The following EDARADD variants were observed in gnomAD, a reference collection of about 807,000 sequenced individuals.
EDARADD encodes ectodysplasin-A receptor-associated adapter protein.
EDARADD carries 20 observed loss-of-function variants against 25.6 expected under a neutral mutation model. That is an observed-to-expected ratio of 0.78 (90% CI 0.55 to 1.14). The LOEUF (loss-of-function observed/expected upper bound fraction) is 1.14. Among genes scored for constraint, EDARADD ranks in the 50% most tolerant of loss-of-function variants. The pLI is 0.00. For missense variants in EDARADD, 225 were observed against 270.1 expected, an observed-to-expected ratio of 0.83 and a Z score of 1.17; for synonymous variants, 86 against 94.4, an observed-to-expected ratio of 0.91 and a Z score of 0.52.
In EDARADD at chr1:236,466,750, A is replaced by G. The variant is rs113322927; in HGVS notation, c.220-1481A>G. On this transcript the variant is annotated intron_variant, in intron 4 of 5. Coordinates refer to ENST00000334232, the MANE Select transcript of EDARADD (RefSeq NM_145861.4). Reference sequence around the variant, plus strand: ...TGAGGAGAAAGGCTTCTCTGAGAAGATTAAGAGAGAAAGATTGTTTAAAAA... The same window carrying G: ...TGAGGAGAAAGGCTTCTCTGAGAAGGTTAAGAGAGAAAGATTGTTTAAAAA... Among the ~76,000 whole-genome samples, 779 of 152,246 alleles carry G rather than the reference A, an allele frequency of 5.1e-3. 8 individuals carry two copies. Among genetic ancestry groups the G allele is most frequent in the African/African-American group, 0.017 (694 of 41,534 alleles).
chr1:236,410,019 G>A (rs751463774), intron 2 of EDARADD, among the ~76,000 whole-genome samples: 1 of 151,876 alleles, frequency 6.6e-6, no homozygotes, highest in Non-Finnish European at 1.5e-5. Context: ...CCATTCTGAG[G>A]CTATTGCTTT....
At chr1:236,416,009 TCCAGAGTTTGG>T (rs1471685090) in intron 3 of EDARADD, among the ~76,000 whole-genome samples, 3 of 152,260 alleles carry the variant, frequency 2.0e-5, no homozygotes, top group South Asian at 4.1e-4. Context: ...GGCCAACCTG[TCCAGAGTTTGG>T]CCAAAGCTCT....
rs1251355544 is a variant in EDARADD, at chr1:236,483,957, G to A, written c.*1308G>A. The A allele has an allele frequency of 7.7e-5, 105 of 1,371,552 alleles. No homozygotes were observed. The highest frequency in any genetic ancestry group is 1.1e-4 in the Non-Finnish European group (102 of 961,912). 85.0% of individuals were successfully genotyped at this position (1,371,552 alleles called of 1,614,324 possible). ...GTATGACCTGGAATTCAAGTTTCTCGACGACCCCACCAGGTACATCTCACC... is the reference window on the plus strand; with the variant it reads ...GTATGACCTGGAATTCAAGTTTCTCAACGACCCCACCAGGTACATCTCACC... On this transcript the variant is annotated 3_prime_UTR_variant, in exon 6 of 6. Coordinates refer to ENST00000334232, the MANE Select transcript of EDARADD (RefSeq NM_145861.4).
Position 236,483,283 on chromosome 1 carries a change from C to T in EDARADD, c.*634C>T. 6.2e-7 allele frequency: 1 copy of T among 1,600,166 alleles called. No individual in the cohort carries two copies. Among genetic ancestry groups the T allele is most frequent in the South Asian group, 1.1e-5 (1 of 90,796 alleles). On this transcript the variant is annotated 3_prime_UTR_variant, in exon 6 of 6. Coordinates refer to ENST00000334232, the MANE Select transcript of EDARADD (RefSeq NM_145861.4). ...AGAGCTGCTGTGCCCAGTGGTGCTT[C>T]AACTGGTATCTATGAGGTCCTAGAG...
chr1:236,442,726 TA>T (rs1658433339), intron 4 of EDARADD, among the ~76,000 whole-genome samples: 1 of 152,192 alleles, frequency 6.6e-6, no homozygotes, highest in South Asian at 2.1e-4. Context: ...TAGTGCTCAA[TA>T]AAAAAGATTC....
chr1:236,420,046 G>A (rs1657742604), intron 3 of EDARADD, among the ~76,000 whole-genome samples: 1 of 152,112 alleles, frequency 6.6e-6, no homozygotes, highest in East Asian at 1.9e-4. Flanking sequence ...AGTCAGGTGT[G>A]GTGGTGGCAC....
chr1:236,446,507 G>A (rs540522830), intron 4 of EDARADD, among the ~76,000 whole-genome samples: 4 of 151,616 alleles, frequency 2.6e-5, no homozygotes, highest in East Asian at 3.9e-4. Flanking sequence ...AGCCGAGATC[G>A]CACCACTGCA....
intron 4 of EDARADD, among the ~76,000 whole-genome samples, chr1:236,433,738 T>C (rs1207814901): frequency 6.6e-6 from 1 of 151,834 alleles, no homozygotes; most frequent in Admixed American, 6.6e-5. Flanking sequence ...GGCGTGGTGG[T>C]GGGTGCCTGT....
intron 3 of EDARADD, among the ~76,000 whole-genome samples, chr1:236,423,640 T>C (rs1292193505): frequency 6.6e-6 from 1 of 152,200 alleles, no homozygotes; most frequent in Admixed American, 6.5e-5. Context: ...CGTTTGCAGA[T>C]GAAGGCAAAC....
intron 4 of EDARADD, among the ~76,000 whole-genome samples, chr1:236,441,689 G>A (rs1015297598): frequency 2.7e-5 from 4 of 150,090 alleles, no homozygotes; most frequent in Non-Finnish European, 4.4e-5. Flanking sequence ...CCCACCACAC[G>A]TGGCTAATTT....
At chr1:236,474,092 G>A (rs1659433031) in intron 5 of EDARADD, among the ~76,000 whole-genome samples, 1 of 152,038 alleles carries the variant, frequency 6.6e-6, no homozygotes, top group South Asian at 2.1e-4. Context: ...GCCCTGAAAC[G>A]TCAAGCCTTG....
At chr1:236,407,922 G>A (rs1667766081) in intron 1 of EDARADD, among the ~76,000 whole-genome samples, 1 of 152,112 alleles carries the variant, frequency 6.6e-6, no homozygotes, top group Admixed American at 6.5e-5. Context: ...GATTATTTTT[G>A]ATAAAAAACT....
chr1:236,361,787 C>A (rs1667054086), intron 3 of EDARADD, among the ~76,000 whole-genome samples: 1 of 150,826 alleles, frequency 6.6e-6, no homozygotes, highest in Admixed American at 6.6e-5. Flanking sequence ...GTGGCTATAC[C>A]ACAATTTGTT....
intron 4 of EDARADD, among the ~76,000 whole-genome samples, chr1:236,448,812 A>G (rs73125206): frequency 0.061 from 9,286 of 152,270 alleles, 480 homozygotes; most frequent in African/African-American, 0.13. Context: ...AAGTGGAAGG[A>G]GCTGTATCAT....
intron 1 of EDARADD, among the ~76,000 whole-genome samples, chr1:236,404,687 C>T (rs1028932251): frequency 6.6e-6 from 1 of 152,158 alleles, no homozygotes; most frequent in African/African-American, 2.4e-5. Flanking sequence ...TCTGTGGTCC[C>T]AGCTACTTGG....
chr1:236,479,025 G>T (rs1659590230), intron 5 of EDARADD, among the ~76,000 whole-genome samples: 1 of 152,154 alleles, frequency 6.6e-6, no homozygotes, highest in Admixed American at 6.6e-5. Flanking sequence ...GGAAAAGGTG[G>T]GAAGGGGGTG....
intron 4 of EDARADD, among the ~76,000 whole-genome samples, chr1:236,446,147 CAA>C (rs1186865177): frequency 6.6e-6 from 1 of 152,212 alleles, no homozygotes; most frequent in Non-Finnish European, 1.5e-5. Context: ...ATTTTTTAAA[CAA>C]AGACACAGAG....
intron 2 of EDARADD, among the ~76,000 whole-genome samples, chr1:236,410,990 A>G (rs928932932): frequency 6.6e-6 from 1 of 152,148 alleles, no homozygotes; most frequent in African/African-American, 2.4e-5. Flanking sequence ...GCTTGTTACT[A>G]AAGCCTTTGG....
chr1:236,353,725 A>G (rs1666945138), intron 3 of EDARADD, among the ~76,000 whole-genome samples: 1 of 151,082 alleles, frequency 6.6e-6, no homozygotes, highest in Non-Finnish European at 1.5e-5. Context: ...TGGTGTTTAA[A>G]TGGACCCTAT....
Sources: allele counts gnomAD v4.1 joint callset (sites outside exome capture counted in the v4.1 genomes callset), GRCh38; gene constraint gnomAD v4.1.1; transcripts MANE v1.5; gene names NCBI Gene and HGNC (gene_info 2026-07-23, HGNC 2026-07-21).